Variants in GLI3 observed in about 807,000 individuals in gnomAD.
GLI3 encodes the protein GLI family zinc finger 3, also known as transcription activator GLI3.
A neutral mutation model predicts 100.8 loss-of-function variants in GLI3; 20 were observed. The ratio of observed to expected loss-of-function variants is 0.20; its 90% CI spans 0.14 to 0.29. The LOEUF (loss-of-function observed/expected upper bound fraction) is 0.29, where lower values mean the gene tolerates loss of function less well. Ranked by LOEUF, GLI3 falls within the 10% of genes least tolerant of loss-of-function variation. The pLI is 1.00. For synonymous variants in GLI3, 938 were observed against 860.5 expected, an observed-to-expected ratio of 1.09 and a Z score of -1.58; for missense variants, 2,040 against 2,128.5, an observed-to-expected ratio of 0.96 and a Z score of 0.82.
chr7:42,086,055 A>G (rs1277508825), intron 3 of GLI3, among the ~76,000 whole-genome samples: 1 of 152,218 alleles, frequency 6.6e-6, no homozygotes, highest in Non-Finnish European at 1.5e-5. Context: ...GTTCCTGTCA[A>G]TCAACAACTA....
chr7:41,964,666 T>C lies in GLI3; in HGVS notation c.4407A>G (p.Leu1469=). The stretch of plus-strand genomic sequence containing the variant: ...CAGAGTTTTTGGCGCTGGTCCCCTG[T>C]AGCAGGCAGCTGGCGTCTGAAATAG... ...SFSISDASCL[L]QGTSAKNSEL... Residue 1469 remains leucine, a synonymous_variant, in exon 15 of 15, where the codon CTA becomes CTG. Transcript: ENST00000395925. 6.2e-7 allele frequency: 1 copy of C among 1,614,076 alleles called. No homozygotes were observed. Among genetic ancestry groups the C allele is most frequent in the Non-Finnish European group, 8.5e-7 (1 of 1,179,898 alleles).
At chr7:42,232,896 T>C (rs2128706173) in intron 1 of GLI3, among the ~76,000 whole-genome samples, 1 of 152,154 alleles carries the variant, frequency 6.6e-6, no homozygotes, top group African/African-American at 2.4e-5. Flanking sequence ...CAAAAAACAC[T>C]TTCACATTTA....
rs11266806 is a variant in GLI3, at chr7:42,223,336, GA to G, written c.-42-42del. Reference sequence around the variant, plus strand: ...GAGCCATCAACTTTCCAAAATGGTGGAAAAAAAAAAAAAACTTTCAAAAGTC... The same window carrying G: ...GAGCCATCAACTTTCCAAAATGGTGGAAAAAAAAAAAAACTTTCAAAAGTC... On this transcript the variant is annotated intron_variant, in intron 1 of 14. Transcript: ENST00000395925. 258,617 of 841,222 alleles carry G rather than the reference GA, an allele frequency of 0.31. 13,266 individuals are homozygous for G. The highest frequency in any genetic ancestry group is 0.39 in the Middle Eastern group (1,261 of 3,198). 52.1% of individuals were successfully genotyped at this position (841,222 alleles called of 1,614,324 possible).
At chr7:42,109,689 G>C (rs1183005273) in intron 3 of GLI3, among the ~76,000 whole-genome samples, 1 of 152,178 alleles carries the variant, frequency 6.6e-6, no homozygotes, top group Non-Finnish European at 1.5e-5. Flanking sequence ...TGGGACGAGA[G>C]GTTTCAGAAC....
At chr7:42,251,615 G>C (rs1282218546) in intron 1 of GLI3, among the ~76,000 whole-genome samples, 1 of 152,056 alleles carries the variant, frequency 6.6e-6, no homozygotes, top group East Asian at 1.9e-4. Context: ...GGGAGAGGGA[G>C]AGAAGAGCTG....
intron 3 of GLI3, among the ~76,000 whole-genome samples, chr7:42,138,882 T>C (rs1790258395): frequency 6.6e-6 from 1 of 152,162 alleles, no homozygotes; most frequent in Admixed American, 6.5e-5. Context: ...CCTCACAATG[T>C]CCACTGATTA....
chr7:42,069,138 G>C (rs1049247758), intron 4 of GLI3, among the ~76,000 whole-genome samples: 1 of 152,162 alleles, frequency 6.6e-6, no homozygotes, highest in East Asian at 1.9e-4. Context: ...CCGTGCTGCT[G>C]AGCGCAGCAC....
chr7:42,029,460 C>T (rs1789220472), intron 7 of GLI3, among the ~76,000 whole-genome samples: 2 of 152,158 alleles, frequency 1.3e-5, no homozygotes, highest in Admixed American at 6.5e-5. Context: ...ATGCCTCCCA[C>T]GCATACCCTC....
At chr7:42,118,746 T>C (rs1029000648) in intron 3 of GLI3, among the ~76,000 whole-genome samples, 1 of 152,124 alleles carries the variant, frequency 6.6e-6, no homozygotes, top group Non-Finnish European at 1.5e-5. Flanking sequence ...CAAGTTTAAG[T>C]TCTCACCAGC....
chr7:42,007,217 A>G (rs1788481989), intron 10 of GLI3, among the ~76,000 whole-genome samples: 1 of 61,202 alleles, frequency 1.6e-5, no homozygotes, highest in Admixed American at 2.3e-4. Context: ...GCTAAGGAGG[A>G]AATTTAAAAA....
At chr7:42,007,566 C>T (rs1475740714) in intron 10 of GLI3, among the ~76,000 whole-genome samples, 1 of 152,120 alleles carries the variant, frequency 6.6e-6, no homozygotes, top group Non-Finnish European at 1.5e-5. Context: ...TCTCAATAAG[C>T]TCGGCACTAA....
intron 2 of GLI3, among the ~76,000 whole-genome samples, chr7:42,201,259 T>C (rs1788033144): frequency 6.6e-6 from 1 of 152,210 alleles, no homozygotes; most frequent in African/African-American, 2.4e-5. Context: ...CTGCACTTAC[T>C]TATTTTTGGA....
At chr7:42,102,052 A>T in intron 3 of GLI3, among the ~76,000 whole-genome samples, 1 of 152,022 alleles carries the variant, frequency 6.6e-6, no homozygotes, top group South Asian at 2.1e-4. Flanking sequence ...ACCATGGTGT[A>T]TATGTGCCAC....
intron 3 of GLI3, among the ~76,000 whole-genome samples, chr7:42,094,731 G>A (rs1370652104): frequency 8.1e-6 from 1 of 124,152 alleles, no homozygotes; most frequent in Non-Finnish European, 1.7e-5. Context: ...GAGACTCTGT[G>A]TCAAAAAAAA....
intron 7 of GLI3, among the ~76,000 whole-genome samples, chr7:42,028,135 G>A (rs1430742153): frequency 6.6e-6 from 1 of 151,976 alleles, no homozygotes; most frequent in East Asian, 1.9e-4. Flanking sequence ...CCTTCCTTTG[G>A]GTGAATGAGT....
chr7:42,218,435 C>T (rs1244945961), intron 2 of GLI3, among the ~76,000 whole-genome samples: 7 of 145,314 alleles, frequency 4.8e-5, no homozygotes, highest in South Asian at 5.2e-4. Context: ...AAAGTAATTG[C>T]GGTTTTTGTC....
intron 2 of GLI3, among the ~76,000 whole-genome samples, chr7:42,175,416 G>C (rs1336120931): frequency 6.6e-6 from 1 of 152,118 alleles, no homozygotes; most frequent in African/African-American, 2.4e-5. Context: ...TCAGGAGTTC[G>C]AGACCAGCCT....
intron 3 of GLI3, chr7:42,145,535 A>G (rs962466783): frequency 5.1e-6 from 2 of 395,692 alleles, no homozygotes; most frequent in African/African-American, 4.1e-5. Flanking sequence ...CCACAGTTAC[A>G]GGTTTGCAGT....
At chr7:42,092,831 A>T (rs117631174) in intron 3 of GLI3, among the ~76,000 whole-genome samples, 34,216 of 149,542 alleles carry the variant, frequency 0.23, 4,087 homozygotes, top group Admixed American at 0.36. Flanking sequence ...ATGTATTTAT[A>T]GAGACGGAGT....
Sources: allele counts gnomAD v4.1 joint callset (sites outside exome capture counted in the v4.1 genomes callset), GRCh38; gene constraint gnomAD v4.1.1; transcripts MANE v1.5; gene names NCBI Gene and HGNC (gene_info 2026-07-23, HGNC 2026-07-21).